DOCK3: variants seen among roughly 807,000 people sequenced by gnomAD.
DOCK3 encodes the protein dedicator of cytokinesis protein 3.
Under a neutral mutation model 265.6 loss-of-function variants are expected in DOCK3, and 60 were observed. That is an observed-to-expected ratio of 0.23 (90% confidence interval 0.18 to 0.28). The LOEUF (loss-of-function observed/expected upper bound fraction) is 0.28. Among genes scored for constraint, DOCK3 ranks in the 10% least tolerant of loss-of-function variants. The pLI is 1.00. For synonymous variants in DOCK3, 881 were observed against 938.0 expected, an observed-to-expected ratio of 0.94 and a Z score of 1.11; for missense variants, 1,981 against 2,594.3, an observed-to-expected ratio of 0.76 and a Z score of 5.14.
intron 1 of DOCK3, among the ~76,000 whole-genome samples, chr3:50,774,086 T>C (rs1166639215): frequency 1.3e-5 from 2 of 152,060 alleles, no homozygotes. Context: ...TCAGCAGAGA[T>C]CAAATATAAA....
Position 50,778,698 on chromosome 3 carries a change from G to C in DOCK3, c.61G>C (p.Val21Leu), listed in dbSNP as rs200645618. ...GVVICSFRGS[V>L]PQGLVLEIGE... ...AGTGATATGCAGCTTTCGAGGATCT[G>C]TCCCTCAAGGGTTGGTCTTAGAAAT... The change falls in exon 2 of 53, where the codon GTC becomes CTC. Residue 21 changes from valine to leucine, a missense_variant. Coordinates refer to ENST00000266037, the MANE Select transcript of DOCK3 (RefSeq NM_004947.5). 101 of 1,588,322 alleles carry C rather than the reference G, an allele frequency of 6.4e-5. No homozygotes were observed. The highest frequency in any genetic ancestry group is 7.7e-5 in the Non-Finnish European group (90 of 1,166,394).
chr3:51,317,335 C>G (rs1003612970), intron 32 of DOCK3, among the ~76,000 whole-genome samples: 3 of 150,606 alleles, frequency 2.0e-5, no homozygotes, highest in Non-Finnish European at 3.0e-5. Context: ...GAAAAAAGAC[C>G]TTTGAAACTT....
intron 22 of DOCK3, among the ~76,000 whole-genome samples, chr3:51,250,293 AAAAT>A (rs1560285867): frequency 2.1e-5 from 3 of 145,932 alleles, no homozygotes; most frequent in African/African-American, 7.6e-5. Flanking sequence ...AAAATTAAAA[AAAAT>A]AATAAAAAAT....
chr3:51,111,830 T>G (rs1170636114), intron 9 of DOCK3, among the ~76,000 whole-genome samples: 1 of 152,012 alleles, frequency 6.6e-6, no homozygotes, highest in African/African-American at 2.4e-5. Context: ...AGGTCTAATA[T>G]CCATCTATAA....
chr3:50,841,303 C>T (rs2609019), intron 2 of DOCK3, among the ~76,000 whole-genome samples: 15,088 of 152,042 alleles, frequency 0.099, 927 homozygotes, highest in Non-Finnish European at 0.13. Flanking sequence ...AATGAGACTG[C>T]GAAACAGAAA....
At chr3:51,379,925 G>T (rs1553618011) in intron 51 of DOCK3, among the ~76,000 whole-genome samples, 200 bp from the exon 52 acceptor site, 3 of 152,242 alleles carry the variant, frequency 2.0e-5, no homozygotes, top group Non-Finnish European at 4.4e-5. Context: ...CTGACTTCCT[G>T]TGTGGAGTGA....
intron 9 of DOCK3, among the ~76,000 whole-genome samples, chr3:51,116,453 A>G (rs1201401465): frequency 6.7e-6 from 1 of 150,294 alleles, no homozygotes; most frequent in African/African-American, 2.4e-5. Flanking sequence ...TCCATCTCAA[A>G]AAAAAAAAAA....
At chr3:51,368,995 A>G (rs1167842446) in intron 49 of DOCK3, among the ~76,000 whole-genome samples, 1 of 152,250 alleles carries the variant, frequency 6.6e-6, no homozygotes, top group Admixed American at 6.5e-5. Context: ...TTAGAAGGAA[A>G]ACTAACAAAC....
At chr3:51,007,060 T>C (rs1443893386) in intron 5 of DOCK3, among the ~76,000 whole-genome samples, 2 of 152,222 alleles carry the variant, frequency 1.3e-5, no homozygotes, top group South Asian at 2.1e-4. Flanking sequence ...TCTTTGCTAT[T>C]GTGAATAGTG....
intron 1 of DOCK3, among the ~76,000 whole-genome samples, chr3:50,764,896 A>G (rs982059787): frequency 6.6e-6 from 1 of 152,026 alleles, no homozygotes; most frequent in Non-Finnish European, 1.5e-5. Context: ...ATAGTTAACA[A>G]TGAGTAATGT....
At chr3:51,058,938 T>C (rs2081299649) in intron 5 of DOCK3, among the ~76,000 whole-genome samples, 1 of 152,136 alleles carries the variant, frequency 6.6e-6, no homozygotes, top group African/African-American at 2.4e-5. Context: ...CATTTTAACT[T>C]TTATTTTAGA....
rs898265441 is a variant in DOCK3, at chr3:50,890,017, C to G, written c.163-9C>G. 2 of 1,405,884 alleles carry G rather than the reference C, an allele frequency of 1.4e-6. No homozygotes were observed. Among genetic ancestry groups the G allele is most frequent in the Admixed American group, 7.1e-5 (2 of 28,364 alleles). The allele number at this position is 1,405,884 out of a possible 1,614,324, so 87.1% of individuals were successfully genotyped here. A position where few individuals can be genotyped will look rare whatever the true frequency, so the allele number is the denominator to read the frequency against. ...TTTTTTCTAACAGGAAATATTTTCT[C>G]TTTTACAGGGGATCTTTCCTGCAAA... On this transcript the variant is annotated splice_polypyrimidine_tract_variant and intron_variant, in intron 3 of 52. Transcript: ENST00000266037.
At chr3:51,212,076 A>C (rs560524867) in intron 13 of DOCK3, among the ~76,000 whole-genome samples, 36 of 152,296 alleles carry the variant, frequency 2.4e-4, no homozygotes, top group African/African-American at 8.4e-4. Flanking sequence ...AGGGTTTCAG[A>C]ACTAGGAAGG....
intron 1 of DOCK3, among the ~76,000 whole-genome samples, chr3:50,740,614 C>G (rs944509596): frequency 6.6e-6 from 1 of 151,958 alleles, no homozygotes; most frequent in Non-Finnish European, 1.5e-5. Context: ...TATTGAGAAT[C>G]CTTTTATGTG....
At chr3:50,777,279 C>T (rs2041661166) in intron 1 of DOCK3, among the ~76,000 whole-genome samples, 2 of 151,680 alleles carry the variant, frequency 1.3e-5, no homozygotes, top group Admixed American at 6.6e-5. Context: ...GTATTTTTTT[C>T]CATTGGTCTA....
intron 5 of DOCK3, among the ~76,000 whole-genome samples, chr3:50,936,251 A>G (rs1349553298): frequency 6.6e-6 from 1 of 152,030 alleles, no homozygotes; most frequent in Non-Finnish European, 1.5e-5. Context: ...AAATTCTCCA[A>G]TACAAATAAT....
chr3:51,047,616 TTA>T (rs937122453), intron 5 of DOCK3, among the ~76,000 whole-genome samples: 1 of 152,084 alleles, frequency 6.6e-6, no homozygotes, highest in African/African-American at 2.4e-5. Flanking sequence ...TTATGAATAA[TTA>T]TATGCCAGTA....
At chr3:50,892,562 T>A (rs1331436057) in intron 4 of DOCK3, among the ~76,000 whole-genome samples, 3 of 152,128 alleles carry the variant, frequency 2.0e-5, no homozygotes, top group Non-Finnish European at 2.9e-5. Context: ...AAAAGAGGAC[T>A]GTACATCAAA....
chr3:50,850,465 G>A (rs768542859), intron 3 of DOCK3, among the ~76,000 whole-genome samples: 26 of 152,076 alleles, frequency 1.7e-4, no homozygotes, highest in South Asian at 4.1e-4. Context: ...CATTTCTGAG[G>A]AATTCTTTAT....
Sources: allele counts gnomAD v4.1 joint callset (sites outside exome capture counted in the v4.1 genomes callset), GRCh38; gene constraint gnomAD v4.1.1; transcripts MANE v1.5; gene names NCBI Gene and HGNC (gene_info 2026-07-23, HGNC 2026-07-21).